Variants in PRKDC observed in about 807,000 individuals in gnomAD.
PRKDC encodes DNA-dependent protein kinase catalytic subunit.
Under a neutral mutation model 486.9 loss-of-function variants are expected in PRKDC, and 82 were observed. That is an observed-to-expected ratio of 0.17 (90% CI 0.14 to 0.20). The LOEUF is 0.20. Among genes scored for constraint, PRKDC ranks in the 10% least tolerant of loss-of-function variants. PRKDC has a pLI of 1.00. For synonymous variants in PRKDC, 1,895 were observed against 1,837.0 expected, an observed-to-expected ratio of 1.03 and a Z score of -0.81; for missense variants, 4,504 against 5,038.2, an observed-to-expected ratio of 0.89 and a Z score of 3.21.
At chr8:47,926,994 A>T in intron 21 of PRKDC, 200 bp downstream of exon 21, 2 of 582,498 alleles carry the variant, frequency 3.4e-6, no homozygotes, top group Admixed American at 3.5e-5. Flanking sequence ...AGTAAATGAA[A>T]AATTTTTTAA....
chr8:47,856,384 T>C (rs772879571), intron 49 of PRKDC, among the ~76,000 whole-genome samples: 13 of 152,240 alleles, frequency 8.5e-5, no homozygotes, highest in Non-Finnish European at 1.9e-4. Context: ...TGCAGCACCA[T>C]GTCCAGTTAA....
intron 69 of PRKDC, among the ~76,000 whole-genome samples, chr8:47,804,813 G>A (rs2087185651): frequency 6.6e-6 from 1 of 152,118 alleles, no homozygotes; most frequent in African/African-American, 2.4e-5. Context: ...CCAGGCTGGA[G>A]CACAGTGGCA....
Position 47,887,650 on chromosome 8 carries a change from C to G in PRKDC, c.4469G>C (p.Gly1490Ala). The G allele has an allele frequency of 6.2e-7, 1 of 1,609,094 alleles. No individual in the cohort carries two copies. The highest frequency in any genetic ancestry group is 8.5e-7 in the Non-Finnish European group (1 of 1,177,808). The part of the protein sequence containing the change: ...GTELLSLVYK[G>A]IAPGDERQCL... ...CTGTCTCTCATCTCCAGGGGCAATG[C>G]CTTTATAAACCAGGGAAAGAAGTTC... Residue 1490 changes from glycine (G) to alanine (A), a missense_variant, in exon 35 of 86, where the codon GGC (glycine) becomes GCC (alanine). Physicochemically the swap from Gly to Ala is moderately conservative, Grantham distance 60. Transcript: ENST00000314191.
intron 85 of PRKDC, among the ~76,000 whole-genome samples, chr8:47,775,141 C>T (rs1408879102): frequency 2.6e-5 from 4 of 151,504 alleles, no homozygotes; most frequent in Non-Finnish European, 2.9e-5. Context: ...GAGTCCATAT[C>T]GTGCCATTGC....
At chr8:47,939,809 A>G in intron 10 of PRKDC, 112 bp from the exon 11 acceptor site, 1 of 948,350 alleles carries the variant, frequency 1.1e-6, no homozygotes, top group Non-Finnish European at 1.5e-6. Context: ...TTATAGTTAC[A>G]CGCAATTGCT....
intron 11 of PRKDC, among the ~76,000 whole-genome samples, chr8:47,936,905 G>A (rs894082333): frequency 4.0e-5 from 6 of 149,348 alleles, no homozygotes; most frequent in Non-Finnish European, 5.9e-5. Context: ...GATTACAGGC[G>A]GGAGCCACTG....
chr8:47,834,676 G>A (rs2087969758), intron 58 of PRKDC, among the ~76,000 whole-genome samples: 1 of 145,096 alleles, frequency 6.9e-6, no homozygotes, highest in Non-Finnish European at 1.5e-5. Context: ...AAGGTGCTAA[G>A]AACCCCTGAC....
chr8:47,952,099 C>T lies in PRKDC; in HGVS notation c.721+1521G>A, dbSNP rs538209901. ...AAACTAAGGTTACCATACAACCCAA[C>T]AATCACAATTCTAAGTATATATCCA... On this transcript the variant is annotated intron_variant, in intron 7 of 85. Coordinates refer to ENST00000314191, the MANE Select transcript of PRKDC (RefSeq NM_006904.7). 3.3e-5 allele frequency among the ~76,000 whole-genome samples: 5 copies of T among 152,280 alleles called. No homozygotes were observed. The East Asian group carries it at 9.6e-4, about 29-fold the overall frequency.
chr8:47,943,949 ATAT>A, intron 8 of PRKDC, 22 bp downstream of exon 8: 2 of 1,551,026 alleles, frequency 1.3e-6, no homozygotes, highest in Non-Finnish European at 1.8e-6. Context: ...CATTAGAATA[ATAT>A]TAATAGTAAT....
chr8:47,856,491 A>C (rs1427786726), intron 49 of PRKDC, among the ~76,000 whole-genome samples: 5 of 152,144 alleles, frequency 3.3e-5, no homozygotes, highest in Non-Finnish European at 4.4e-5. Flanking sequence ...TGGTCTCCCA[A>C]AGTGCTGGGA....
At chr8:47,808,336 G>A (rs927898461) in intron 68 of PRKDC, among the ~76,000 whole-genome samples, 4 of 151,924 alleles carry the variant, frequency 2.6e-5, no homozygotes, top group Non-Finnish European at 4.4e-5. Context: ...TTGTAGAAAC[G>A]GAGGCTTGCT....
chr8:47,910,380 C>CT (rs1228428192), intron 25 of PRKDC, among the ~76,000 whole-genome samples: 5 of 152,152 alleles, frequency 3.3e-5, no homozygotes, highest in Admixed American at 2.0e-4. Flanking sequence ...ATAACTTTTT[C>CT]TTTAACATGT....
rs141215902 is a variant in PRKDC at position 47,810,954 on chromosome 8, C to T, written c.9558-3628G>A. Among the ~76,000 whole-genome samples the T allele has an allele frequency of 6.2e-3, 944 of 152,152 alleles. 12 individuals are homozygous for T. Among genetic ancestry groups the T allele is most frequent in the African/African-American group, 0.022 (910 of 41,482 alleles). ...ACCTATGGAACAATGTCAAAAGGCA[C>T]GATGTATGTGTAACTGCATTCCCAC... On this transcript the variant is annotated intron_variant, in intron 68 of 85. Coordinates refer to ENST00000314191, the MANE Select transcript of PRKDC (RefSeq NM_006904.7).
chr8:47,917,906 T>G (rs1285160318), intron 22 of PRKDC, among the ~76,000 whole-genome samples: 1 of 152,194 alleles, frequency 6.6e-6, no homozygotes, highest in Non-Finnish European at 1.5e-5. Flanking sequence ...AGTGCAGTGG[T>G]GTGATCTTGC....
rs776423511 is a variant in PRKDC at position 47,777,747 on chromosome 8, T to A, written c.11981A>T (p.Asp3994Val). Residue 3994 changes from aspartate to valine, a missense_variant, in exon 84 of 86, where the codon GAC becomes GTC. This residue lies in a region of PRKDC where 706 missense variants were observed against 945.0 expected (regional missense o/e 0.75). Coordinates refer to ENST00000314191, the MANE Select transcript of PRKDC (RefSeq NM_006904.7). ...MVHALRAFRS[D>V]PGLLTNTMDV... The stretch of plus-strand genomic sequence containing the variant: ...CATGGTGTTGGTGAGCAGGCCAGGG[T>A]CTGAGCGGAAGGCCCGGAGTGCGTG... The A allele has an allele frequency of 6.2e-7, 1 of 1,613,614 alleles. No homozygotes were observed. Among genetic ancestry groups the A allele is most frequent in the East Asian group, 2.2e-5 (1 of 44,874 alleles).
chr8:47,843,636 G>C (rs1241206862), intron 54 of PRKDC, among the ~76,000 whole-genome samples: 1 of 152,006 alleles, frequency 6.6e-6, no homozygotes, highest in Non-Finnish European at 1.5e-5. Flanking sequence ...AATTTTAAAG[G>C]CAGCTAGAAA....
chr8:47,778,844 G>T, intron 81 of PRKDC, 45 bp from the exon 82 acceptor site: 1 of 1,554,826 alleles, frequency 6.4e-7, no homozygotes, highest in South Asian at 1.2e-5. Flanking sequence ...AAATTTCTCT[G>T]ACTTAAAATT....
At chr8:47,814,715 A>G (rs990561259) in intron 68 of PRKDC, among the ~76,000 whole-genome samples, 1 of 152,246 alleles carries the variant, frequency 6.6e-6, no homozygotes, top group African/African-American at 2.4e-5. Flanking sequence ...AATGAACTCG[A>G]TAACTCTATA....
In PRKDC at chr8:47,886,056, T is replaced by C. The variant is rs779412405; in HGVS notation, c.4664A>G (p.His1555Arg). The C allele has an allele frequency of 1.9e-6, 3 of 1,613,670 alleles. No individual in the cohort carries two copies. Among genetic ancestry groups the C allele is most frequent in the Admixed American group, 1.7e-5 (1 of 60,030 alleles). ...GAACAAGCTATAGAAATACTCCCCATGGGAGAAGTGGATGACGCTGCCCTG... is the reference window on the plus strand; with the variant it reads ...GAACAAGCTATAGAAATACTCCCCACGGGAGAAGTGGATGACGCTGCCCTG... Reference protein sequence around the residue: ...SSQGSVIHFSHGEYFYSLFSE... With the variant: ...SSQGSVIHFSRGEYFYSLFSE... The change falls in exon 36 of 86, where the codon CAT becomes CGT. Residue 1555 changes from histidine (H) to arginine (R), a missense_variant. Around this residue, in one of 6 missense-constraint regions of PRKDC, gnomAD observed 1,969 missense variants for 2,068.9 expected, o/e 0.95. Transcript: ENST00000314191.
Sources: gnomAD v4.1 joint callset for allele counts (sites outside exome capture counted in the v4.1 genomes callset) on GRCh38, gnomAD v4.1.1 for gene constraint, gnomAD v4.1.1 regional missense constraint, MANE v1.5 for transcripts, NCBI Gene and HGNC (gene_info 2026-07-23, HGNC 2026-07-21) for gene names.